C12orf76: variants seen among roughly 807,000 people sequenced by gnomAD.
C12orf76 encodes uncharacterized protein C12orf76.
A neutral mutation model predicts 6.8 loss-of-function variants in C12orf76; 6 were observed. The ratio of observed to expected loss-of-function variants is 0.88; its 90% CI spans 0.48 to 1.73. C12orf76 has a LOEUF of 1.73. Ranked by LOEUF, C12orf76 falls within the 40% of genes most tolerant of loss-of-function variation. The pLI, the probability that C12orf76 is intolerant of heterozygous loss-of-function variation, is 0.01. For missense variants in C12orf76, 99 were observed against 98.2 expected (o/e 1.01, Z -0.03); for synonymous variants, 56 against 43.7 (o/e 1.28, Z -1.11).
At chr12:110,070,667 T>C (rs1892951079), upstream of C12orf76, among the ~76,000 whole-genome samples, 1 of 152,230 alleles carries the variant, frequency 6.6e-6, no homozygotes, top group African/African-American at 2.4e-5. Context: ...ATGTAATCCC[T>C]GTATTAATGC....
upstream of C12orf76, among the ~76,000 whole-genome samples, chr12:110,053,721 A>G (rs1892622355): frequency 6.6e-6 from 1 of 152,216 alleles, no homozygotes; most frequent in Non-Finnish European, 1.5e-5. Flanking sequence ...CATTGCTTGT[A>G]AGAGGGAAAG....
At chr12:110,043,821 C>T (rs891713185) in intron 1 of C12orf76, among the ~76,000 whole-genome samples, 1 of 150,802 alleles carries the variant, frequency 6.6e-6, no homozygotes, top group African/African-American at 2.4e-5. Context: ...TACCACTGCA[C>T]TCCAGCCTGG....
chr12:110,068,303 A>AGAAGAAGAAGAG (rs1892911540), upstream of C12orf76, among the ~76,000 whole-genome samples: 4 of 145,792 alleles, frequency 2.7e-5, no homozygotes, highest in African/African-American at 1.0e-4. Flanking sequence ...AAGAAGAAGA[A>AGAAGAAGAAGAG]GAAGAAGAAG....
intron 1 of C12orf76, among the ~76,000 whole-genome samples, chr12:110,045,318 C>T (rs921827287): frequency 7.9e-5 from 12 of 152,276 alleles, no homozygotes; most frequent in Middle Eastern, 3.4e-3. Context: ...CTCGGCTGTG[C>T]GCAGCGGCTC....
upstream of C12orf76, chr12:110,049,916 A>T (rs548942792): frequency 2.0e-5 from 3 of 152,286 alleles, no homozygotes; most frequent in East Asian, 3.9e-4. Context: ...GTCACGTACC[A>T]CCTACTTGCT....
upstream of C12orf76, among the ~76,000 whole-genome samples, chr12:110,068,140 G>T (rs899536863): frequency 2.6e-5 from 4 of 151,790 alleles, no homozygotes; most frequent in South Asian, 4.2e-4. Flanking sequence ...GGAGGCAGAG[G>T]TTGTGGCGAG....
At chr12:110,043,958 T>G (rs145077576) in intron 1 of C12orf76, among the ~76,000 whole-genome samples, 6 of 151,462 alleles carry the variant, frequency 4.0e-5, no homozygotes, top group African/African-American at 1.5e-4. Flanking sequence ...TACAACTGAT[T>G]ACTCAAGTTG....
chr12:110,059,482 A>G (rs1018580729), intron 2 of C12orf76, among the ~76,000 whole-genome samples: 1 of 152,166 alleles, frequency 6.6e-6, no homozygotes, highest in Non-Finnish European at 1.5e-5. Context: ...TATGCTCCTA[A>G]CAACTGTGCT....
rs777365321 is a variant in C12orf76, at chr12:110,048,366, G to T, written c.130C>A (p.Leu44Met). 5 of 1,510,664 alleles carry T rather than the reference G, an allele frequency of 3.3e-6. No homozygotes were observed. In the East Asian group the frequency reaches 1.3e-4, roughly 39 times the overall value. The allele number at this position is 1,510,664 out of a possible 1,614,324, so 93.6% of individuals were successfully genotyped here. A position where few individuals can be genotyped will look rare whatever the true frequency, so the allele number is the denominator to read the frequency against. ...CGCCAGCCCGAGGGCCGCTCACCCAGGTTCTGCCCTCGCAGCACCGCGTAC... is the reference window on the plus strand; with the variant it reads ...CGCCAGCCCGAGGGCCGCTCACCCATGTTCTGCCCTCGCAGCACCGCGTAC... ...RPYAVLRGQN[L>M]VLMGTIFSIL... Residue 44 changes from leucine (L) to methionine (M), a missense_variant, in exon 1 of 2, where the codon CTG becomes ATG. By Grantham distance (15) the Leu-to-Met change is conservative. Transcript: ENST00000615315.
intron 1 of C12orf76, 70 bp downstream of exon 1, chr12:110,048,293 C>A: frequency 7.0e-7 from 1 of 1,428,706 alleles, no homozygotes; most frequent in Non-Finnish European, 9.2e-7. Flanking sequence ...CCGTACATGC[C>A]CGGCTCCAGC....
intron 4 of C12orf76, among the ~76,000 whole-genome samples, chr12:110,055,031 C>T (rs917314448): frequency 6.6e-6 from 1 of 152,008 alleles, no homozygotes; most frequent in Non-Finnish European, 1.5e-5. Flanking sequence ...TTGCAGGGAG[C>T]AAAACTGGAT....
At chr12:110,044,785 C>A (rs928487734) in intron 1 of C12orf76, among the ~76,000 whole-genome samples, 1 of 152,014 alleles carries the variant, frequency 6.6e-6, no homozygotes. Context: ...ACCAGCCTGA[C>A]CAACATGGAG....
chr12:110,056,236 T>C (rs188448035), intron 4 of C12orf76, among the ~76,000 whole-genome samples: 2 of 152,300 alleles, frequency 1.3e-5, no homozygotes, highest in Non-Finnish European at 2.9e-5. Flanking sequence ...CCAGAAATAC[T>C]ATCCCGACCT....
At chr12:110,043,372 G>A (rs762307715) in intron 1 of C12orf76, among the ~76,000 whole-genome samples, 1 of 136,986 alleles carries the variant, frequency 7.3e-6, no homozygotes, top group Non-Finnish European at 1.5e-5. Context: ...TGATTTAGTC[G>A]GAAAAAAAAA....
upstream of C12orf76, among the ~76,000 whole-genome samples, chr12:110,053,624 C>T (rs1892620751): frequency 6.6e-6 from 1 of 152,218 alleles, no homozygotes; most frequent in African/African-American, 2.4e-5. Context: ...GAGCATTCCT[C>T]ATGACCCAGC....
At chr12:110,068,126 C>T (rs1287926714), upstream of C12orf76, among the ~76,000 whole-genome samples, 1 of 151,724 alleles carries the variant, frequency 6.6e-6, no homozygotes, top group Non-Finnish European at 1.5e-5. Context: ...ATCGTTTGAA[C>T]CCGGGAGGCA....
Position 110,048,363 on chromosome 12 carries a change from C to T in C12orf76, c.133G>A (p.Val45Met), listed in dbSNP as rs1256153565. Residue 45 changes from valine (V) to methionine (M), a missense_variant and splice_region_variant, in exon 1 of 2, where the codon GTG (valine) becomes ATG (methionine). Val to Met is a conservative substitution (Grantham distance 21). Coordinates refer to ENST00000615315, the MANE Select transcript of C12orf76 (RefSeq NM_001389625.1). ...GCCCGCCAGCCCGAGGGCCGCTCACCCAGGTTCTGCCCTCGCAGCACCGCG... is the reference window on the plus strand; with the variant it reads ...GCCCGCCAGCCCGAGGGCCGCTCACTCAGGTTCTGCCCTCGCAGCACCGCG... ...PYAVLRGQNL[V>M]LMGTIFSILL... The T allele has an allele frequency of 3.3e-6, 5 of 1,508,466 alleles. No homozygotes were observed. The highest frequency in any genetic ancestry group is 4.4e-6 in the Non-Finnish European group (5 of 1,133,790). The allele number at this position is 1,508,466 out of a possible 1,614,324, so 93.4% of individuals were successfully genotyped here. A position where few individuals can be genotyped will look rare whatever the true frequency, so the allele number is the denominator to read the frequency against.
At chr12:110,059,713 C>A (rs9706258) in intron 2 of C12orf76, among the ~76,000 whole-genome samples, 33,932 of 152,100 alleles carry the variant, frequency 0.22, 6,072 homozygotes, top group African/African-American at 0.5. Context: ...GACAAACAAG[C>A]GGTGTGAACT....
upstream of C12orf76, among the ~76,000 whole-genome samples, chr12:110,071,446 A>G (rs548182987): frequency 3.9e-4 from 59 of 151,950 alleles, no homozygotes; most frequent in Non-Finnish European, 7.1e-4. Context: ...TTATTTTAAA[A>G]AATGGATTCC....
Sources: allele counts gnomAD v4.1 joint callset (sites outside exome capture counted in the v4.1 genomes callset), GRCh38; gene constraint gnomAD v4.1.1; transcripts MANE v1.5; gene names NCBI Gene and HGNC (gene_info 2026-07-23, HGNC 2026-07-21).